Variants in ASGR2 observed in about 807,000 individuals in gnomAD.
ASGR2 encodes asialoglycoprotein receptor 2.
A neutral mutation model predicts 32.3 loss-of-function variants in ASGR2; 34 were observed. The observed-to-expected ratio is 1.05, with a 90% CI of 0.80 to 1.40. The LOEUF is 1.40. Ranked by LOEUF, ASGR2 falls within the 40% of genes most tolerant of loss-of-function variation. The pLI is 0.00. For synonymous variants in ASGR2, 143 were observed against 150.0 expected, an observed-to-expected ratio of 0.95 and a Z score of 0.34; for missense variants, 385 against 386.4, an observed-to-expected ratio of 1.00 and a Z score of 0.03.
In ASGR2 at chr17:7,107,982, C is replaced by T. The variant is rs1011197391; in HGVS notation, c.338-75G>A. ...ATGCTGCTGGGGGACCGGGGGCCAG[C>T]GCCTCGTCCTGGGCGATGCAGGCGT... On this transcript the variant is annotated intron_variant, in intron 4 of 8. Coordinates refer to ENST00000691900, the MANE Select transcript of ASGR2 (RefSeq NM_001201352.2). The surrounding 1 kb of genome is among the most constrained non-coding windows in gnomAD (Gnocchi z 5.0). 160 of 1,562,502 alleles carry T rather than the reference C, an allele frequency of 1.0e-4. No individual in the cohort carries two copies. Among genetic ancestry groups the T allele is most frequent in the South Asian group, 2.8e-4 (24 of 87,108 alleles).
chr17:7,105,235 A>G (rs1913492179), intron 7 of ASGR2, among the ~76,000 whole-genome samples: 1 of 127,378 alleles, frequency 7.9e-6, no homozygotes, highest in Admixed American at 7.5e-5. Context: ...CACCTCTCAC[A>G]TAGCAATTGT....
intron 2 of ASGR2, among the ~76,000 whole-genome samples, chr17:7,109,222 C>T (rs1176481163): frequency 6.6e-6 from 1 of 152,084 alleles, no homozygotes; most frequent in Non-Finnish European, 1.5e-5. Flanking sequence ...GGGGGCAGAC[C>T]CGGCCCTGCC....
chr17:7,114,688 C>T lies in ASGR2; in HGVS notation c.-144G>A. ...GCCTTGGCCAAGGAGGGGTTAAAGC[C>T]AGGAGAACTGGGGCAGGTGGAGCTC... On this transcript the variant is annotated 5_prime_UTR_variant, in exon 1 of 9. Coordinates refer to ENST00000691900, the MANE Select transcript of ASGR2 (RefSeq NM_001201352.2). The surrounding 1 kb of genome is among the most constrained non-coding windows in gnomAD (Gnocchi z 4.5). 1 of 1,018,486 alleles carries T rather than the reference C, an allele frequency of 9.8e-7. No individual in the cohort carries two copies. The highest frequency in any genetic ancestry group is 1.2e-6 in the Non-Finnish European group (1 of 849,444). 63.1% of individuals were successfully genotyped at this position (1,018,486 alleles called of 1,614,324 possible).
chr17:7,105,791 ATT>A (rs55800489), intron 7 of ASGR2, among the ~76,000 whole-genome samples: 50,914 of 146,162 alleles, frequency 0.35, 9,085 homozygotes, highest in Non-Finnish European at 0.42. Context: ...TTAAATTAGC[ATT>A]TTTTTTTTTT....
At chr17:7,105,453 G>A (rs1176600390) in intron 7 of ASGR2, among the ~76,000 whole-genome samples, 3 of 152,062 alleles carry the variant, frequency 2.0e-5, no homozygotes, top group Admixed American at 6.5e-5. Flanking sequence ...CCAGGCGGGC[G>A]AATCGCTTGA....
Position 7,108,934 on chromosome 17 carries a change from C to T in ASGR2, c.125-46G>A, listed in dbSNP as rs1394730167. ...GAGCCGGCAGCCTGGGTGTGGGGAG[C>T]CGGAGGGTAAAGACAGGGCACCGAA... On this transcript the variant is annotated intron_variant, in intron 2 of 8. Coordinates refer to ENST00000691900, the MANE Select transcript of ASGR2 (RefSeq NM_001201352.2). The surrounding 1 kb of genome is among the most constrained non-coding windows in gnomAD (Gnocchi z 4.9). The T allele has an allele frequency of 1.1e-5, 17 of 1,545,746 alleles. No homozygotes were observed. The highest frequency in any genetic ancestry group is 1.3e-5 in the Non-Finnish European group (15 of 1,145,694).
At chr17:7,105,449 G>A (rs757274970) in intron 7 of ASGR2, among the ~76,000 whole-genome samples, 2 of 152,042 alleles carry the variant, frequency 1.3e-5, no homozygotes, top group African/African-American at 2.4e-5. Flanking sequence ...AGGCCCAGGC[G>A]GGCGAATCGC....
chr17:7,112,633 G>T (rs540976077), intron 2 of ASGR2, among the ~76,000 whole-genome samples: 6 of 152,302 alleles, frequency 3.9e-5, no homozygotes, highest in African/African-American at 1.4e-4. Flanking sequence ...CGCCTGGTGG[G>T]AAGTCCAGCC....
chr17:7,107,709 A>G lies in ASGR2; in HGVS notation c.409+127T>C, dbSNP rs569350808. 26 of 1,156,132 alleles carry G rather than the reference A, an allele frequency of 2.2e-5. No homozygotes were observed. The highest frequency in any genetic ancestry group is 3.1e-5 in the Non-Finnish European group (25 of 796,606). The allele number at this position is 1,156,132 out of a possible 1,614,324, so 71.6% of individuals were successfully genotyped here. On this transcript the variant is annotated intron_variant, in intron 5 of 8. Coordinates refer to ENST00000691900, the MANE Select transcript of ASGR2 (RefSeq NM_001201352.2). The surrounding 1 kb of genome is among the most constrained non-coding windows in gnomAD (Gnocchi z 5.0). ...CATACGGAGAGAGACACAGATACAC[A>G]TGCTTGCAGGCACACACACGCACGC...
intron 7 of ASGR2, 103 bp from the exon 8 acceptor site, chr17:7,102,299 C>T (rs909981093): frequency 4.2e-6 from 4 of 959,412 alleles, no homozygotes; most frequent in Non-Finnish European, 1.7e-6. Flanking sequence ...CCAGCCTGAT[C>T]TGCCCTCAGG....
rs1597398286 is a variant in ASGR2, at chr17:7,113,696, C to T, written c.124+421G>A. ...ACAACATATACTCACACAACATACA[C>T]ACACAACACACTCTCACACACAACA... On this transcript the variant is annotated intron_variant, in intron 2 of 8. Coordinates refer to ENST00000691900, the MANE Select transcript of ASGR2 (RefSeq NM_001201352.2). The surrounding 1 kb of genome is among the most constrained non-coding windows in gnomAD (Gnocchi z 5.1). Among the ~76,000 whole-genome samples the T allele has an allele frequency of 4.7e-5, 7 of 148,882 alleles. No individual in the cohort carries two copies. In the South Asian group the frequency reaches 1.5e-3, roughly 31 times the overall value.
intron 2 of ASGR2, 118 bp from the exon 3 acceptor site, chr17:7,109,006 G>GGC (rs1914274073): frequency 1.1e-6 from 1 of 943,886 alleles, no homozygotes; most frequent in African/African-American, 1.7e-5. Flanking sequence ...GGGGCCATGG[G>GGC]GGGGGGTCAT....
intron 7 of ASGR2, among the ~76,000 whole-genome samples, chr17:7,103,221 A>T (rs1913109315): frequency 6.6e-6 from 1 of 152,248 alleles, no homozygotes; most frequent in African/African-American, 2.4e-5. Context: ...TAGAAAAACA[A>T]CTAAGGTTGC....
intron 7 of ASGR2, 90 bp from the exon 8 acceptor site, chr17:7,102,286 TC>T: frequency 1.8e-6 from 2 of 1,107,568 alleles, no homozygotes; most frequent in Non-Finnish European, 2.7e-6. Flanking sequence ...CTCTCAGCCT[TC>T]CCCAGCCTGA....
rs773874525 is a variant in ASGR2 at position 7,107,341 on chromosome 17, C to T, written c.410-24G>A. On this transcript the variant is annotated intron_variant, in intron 5 of 8. Transcript: ENST00000691900. The surrounding 1 kb of genome is among the most constrained non-coding windows in gnomAD (Gnocchi z 5.0). The stretch of plus-strand genomic sequence containing the variant: ...ATCTAGGACAGACAGGCTGAAAGTG[C>T]TGCCGGCAGGTGTGGTCCCCACCTG... 6.2e-7 allele frequency: 1 copy of T among 1,608,454 alleles called. No homozygotes were observed.
intron 2 of ASGR2, among the ~76,000 whole-genome samples, chr17:7,111,066 A>G (rs773782045): frequency 1.3e-5 from 2 of 152,236 alleles, no homozygotes; most frequent in African/African-American, 4.8e-5. Context: ...GCTCAAGAAC[A>G]TTTAGAGGAA....
In ASGR2 at chr17:7,114,251, G is replaced by C. The variant is rs377613539; in HGVS notation, c.-11C>G. The C allele has an allele frequency of 1.9e-6, 3 of 1,613,540 alleles. No individual in the cohort carries two copies. In the South Asian group the frequency reaches 3.3e-5, roughly 18 times the overall value. On this transcript the variant is annotated 5_prime_UTR_variant, in exon 2 of 9. Coordinates refer to ENST00000691900, the MANE Select transcript of ASGR2 (RefSeq NM_001201352.2). The surrounding 1 kb of genome is among the most constrained non-coding windows in gnomAD (Gnocchi z 4.5). ...AAAGTCCTTGGCCATGATGGGGCCCGGGCTGGAGCTGGAGCTGGAGCTGGG... is the reference window on the plus strand; with the variant it reads ...AAAGTCCTTGGCCATGATGGGGCCCCGGCTGGAGCTGGAGCTGGAGCTGGG...
chr17:7,101,536 G>A lies in ASGR2; in HGVS notation c.*39C>T, dbSNP rs1369416986. ...TCCTCAACAGAGAAGCCAGAGCTGG[G>A]CAGGTGTGGGGTATGGGTTAGCCAG... On this transcript the variant is annotated 3_prime_UTR_variant, in exon 9 of 9. Coordinates refer to ENST00000691900, the MANE Select transcript of ASGR2 (RefSeq NM_001201352.2). 1.9e-6 allele frequency: 3 copies of A among 1,595,772 alleles called. No individual in the cohort carries two copies. The East Asian group carries it at 6.7e-5, about 36-fold the overall frequency.
At position 7,113,642 on chromosome 17, in the gene ASGR2, CACAACAT is replaced by C. The variant is rs1915075845; in HGVS notation, c.124+468_124+474del. On this transcript the variant is annotated intron_variant, in intron 2 of 8. Transcript: ENST00000691900. This position sits in a 1 kb window ranked among gnomAD's most constrained non-coding sequence, Gnocchi z 5.1. ...ACATGCACAAGATACACACACAACA[CACAACAT>C]ACACTCACACACAAGATACACACAA... Among the ~76,000 whole-genome samples, 2 of 151,810 alleles carry C rather than the reference CACAACAT, an allele frequency of 1.3e-5. No homozygotes were observed. The highest frequency in any genetic ancestry group is 2.9e-5 in the Non-Finnish European group (2 of 67,944).
Sources: gnomAD v4.1 joint callset for allele counts (sites outside exome capture counted in the v4.1 genomes callset) on GRCh38, gnomAD v4.1.1 for gene constraint, Gnocchi (gnomAD v3.1) non-coding constraint, MANE v1.5 for transcripts, NCBI Gene and HGNC (gene_info 2026-07-23, HGNC 2026-07-21) for gene names.